Variants in XYLT1 observed in about 807,000 individuals in gnomAD.
XYLT1 encodes the protein beta-D-xylosyltransferase 1.
Under a neutral mutation model 91.3 loss-of-function variants are expected in XYLT1, and 36 were observed. That is an observed-to-expected ratio of 0.39 (90% CI 0.30 to 0.52). XYLT1 has a LOEUF of 0.52. XYLT1 is among the 20% of genes least tolerant of loss of function. The pLI is 0.68. For synonymous variants in XYLT1, 588 were observed against 532.0 expected, an observed-to-expected ratio of 1.11 and a Z score of -1.45; for missense variants, 1,242 against 1,284.5, an observed-to-expected ratio of 0.97 and a Z score of 0.51.
chr16:17,188,542 C>T (rs1203510500), intron 5 of XYLT1, among the ~76,000 whole-genome samples: 1 of 152,212 alleles, frequency 6.6e-6, no homozygotes. Flanking sequence ...CCAGCATCTA[C>T]ATCTCAGTTC....
At chr16:17,233,927 T>C (rs1310228142) in intron 3 of XYLT1, among the ~76,000 whole-genome samples, 2 of 152,196 alleles carry the variant, frequency 1.3e-5, no homozygotes, top group African/African-American at 2.4e-5. Context: ...CAGACTTGGC[T>C]TCACATCTTG....
rs77942607 is a variant in XYLT1 at position 17,139,027 on chromosome 16, G to T, written c.1588-496C>A. Among the ~76,000 whole-genome samples the T allele has an allele frequency of 5.5e-3, 831 of 152,276 alleles. 35 individuals carry two copies. The East Asian group carries it at 0.073, about 13-fold the overall frequency. ...CATAGGGAAGGGAGTGGGTGGGGCTGCTTGCTGTCCATGGTACTGAACCAG... is the reference window on the plus strand; with the variant it reads ...CATAGGGAAGGGAGTGGGTGGGGCTTCTTGCTGTCCATGGTACTGAACCAG... On this transcript the variant is annotated intron_variant, in intron 7 of 11. Coordinates refer to ENST00000261381, the MANE Select transcript of XYLT1 (RefSeq NM_022166.4).
intron 1 of XYLT1, among the ~76,000 whole-genome samples, chr16:17,383,399 G>A (rs949633407): frequency 4.6e-5 from 7 of 151,708 alleles, no homozygotes; most frequent in African/African-American, 9.7e-5. Flanking sequence ...CTGCCACCAC[G>A]ACTCTATCCT....
intron 2 of XYLT1, among the ~76,000 whole-genome samples, chr16:17,273,899 C>T (rs1001438217): frequency 2.0e-5 from 3 of 150,716 alleles, no homozygotes; most frequent in African/African-American, 7.3e-5. Flanking sequence ...ATCATTCATT[C>T]GGTCAGTCAG....
rs754790920 is a variant in XYLT1 at position 17,134,570 on chromosome 16, G to T, written c.1930C>A (p.Leu644Met). Residue 644 changes from leucine (L) to methionine (M), a missense_variant, in exon 9 of 12, where the codon CTG becomes ATG. Leu to Met is a conservative substitution (Grantham distance 15, BLOSUM62 2). Coordinates refer to ENST00000261381, the MANE Select transcript of XYLT1 (RefSeq NM_022166.4). ...VYDEPDGIHS[L>M]SDVTLTLYHS... Reference sequence around the variant, plus strand: ...TACAAGGTGAGTGTCACGTCGCTCAGGCTGTGGATGCCGTCAGGCTCATCG... The same window carrying T: ...TACAAGGTGAGTGTCACGTCGCTCATGCTGTGGATGCCGTCAGGCTCATCG... The T allele has an allele frequency of 3.5e-5, 57 of 1,614,078 alleles. No homozygotes were observed. In the African/African-American group the frequency reaches 5.5e-4, roughly 15 times the overall value.
At chr16:17,224,066 G>A (rs1280971211) in intron 3 of XYLT1, among the ~76,000 whole-genome samples, 1 of 152,218 alleles carries the variant, frequency 6.6e-6, no homozygotes, top group African/African-American at 2.4e-5. Context: ...GTTATCTAGA[G>A]AAGCTACCAG....
intron 3 of XYLT1, among the ~76,000 whole-genome samples, chr16:17,206,390 G>C (rs187244092): frequency 7.2e-5 from 11 of 152,118 alleles, no homozygotes; most frequent in Admixed American, 7.2e-4. Flanking sequence ...CCCTGCTCTC[G>C]ATGGGTTTAG....
At chr16:17,433,824 A>G (rs2036419819) in intron 1 of XYLT1, among the ~76,000 whole-genome samples, 1 of 152,200 alleles carries the variant, frequency 6.6e-6, no homozygotes, top group African/African-American at 2.4e-5. Context: ...CTTTCATTGA[A>G]AAAGAAAATA....
intron 1 of XYLT1, among the ~76,000 whole-genome samples, chr16:17,371,384 A>C (rs974474132): frequency 7.9e-5 from 12 of 152,242 alleles, no homozygotes; most frequent in Admixed American, 3.9e-4. Flanking sequence ...GGAATCTGAG[A>C]GATGTATGCT....
intron 6 of XYLT1, among the ~76,000 whole-genome samples, chr16:17,141,843 C>T (rs2030985249): frequency 6.6e-6 from 1 of 152,212 alleles, no homozygotes; most frequent in Admixed American, 6.5e-5. Flanking sequence ...CACCAAAGTT[C>T]TGATATAAAG....
chr16:17,266,554 G>C (rs1419640950), intron 2 of XYLT1, among the ~76,000 whole-genome samples: 1 of 152,156 alleles, frequency 6.6e-6, no homozygotes, highest in East Asian at 1.9e-4. Flanking sequence ...AGGCTGTCTA[G>C]GTCTGGAGGT....
intron 3 of XYLT1, among the ~76,000 whole-genome samples, chr16:17,226,767 A>G (rs2033073743): frequency 6.6e-6 from 1 of 152,216 alleles, no homozygotes; most frequent in Admixed American, 6.5e-5. Flanking sequence ...TGGATGACAG[A>G]GTGAAACCCT....
chr16:17,172,964 G>T (rs1023525361), intron 5 of XYLT1, among the ~76,000 whole-genome samples: 1 of 152,080 alleles, frequency 6.6e-6, no homozygotes, highest in Admixed American at 6.5e-5. Flanking sequence ...TCCCAGAGAG[G>T]TATTTACTCA....
chr16:17,145,190 G>A (rs1023805867), intron 6 of XYLT1, among the ~76,000 whole-genome samples: 1 of 152,226 alleles, frequency 6.6e-6, no homozygotes, highest in Non-Finnish European at 1.5e-5. Flanking sequence ...GCTGCAGCAG[G>A]TATCGGTGCT....
intron 4 of XYLT1, among the ~76,000 whole-genome samples, chr16:17,200,232 A>C (rs1172146728): frequency 6.6e-6 from 1 of 152,074 alleles, no homozygotes; most frequent in Non-Finnish European, 1.5e-5. Context: ...AAAAAAGAAA[A>C]AAAACCCCCC....
chr16:17,470,303 A>C (rs1049724625), intron 1 of XYLT1, 131 bp downstream of exon 1: 1 of 1,116,280 alleles, frequency 9.0e-7, no homozygotes. Context: ...TCCCGGGGCA[A>C]GAGGCGATGT....
intron 10 of XYLT1, among the ~76,000 whole-genome samples, chr16:17,124,156 C>T (rs1397073591): frequency 6.6e-6 from 1 of 152,126 alleles, no homozygotes; most frequent in African/African-American, 2.4e-5. Context: ...AGGTACTATT[C>T]TATTCATCAT....
At chr16:17,442,901 A>G (rs2036548546) in intron 1 of XYLT1, among the ~76,000 whole-genome samples, 1 of 152,022 alleles carries the variant, frequency 6.6e-6, no homozygotes, top group Admixed American at 6.6e-5. Context: ...TCTTCTTCAC[A>G]TATTCATCTC....
At chr16:17,226,716 G>C (rs1290802711) in intron 3 of XYLT1, among the ~76,000 whole-genome samples, 6 of 152,052 alleles carry the variant, frequency 3.9e-5, no homozygotes, top group African/African-American at 1.5e-4. Flanking sequence ...CCAGGAGGCA[G>C]AGATTGCAGT....
Sources: gnomAD v4.1 joint callset for allele counts (sites outside exome capture counted in the v4.1 genomes callset) on GRCh38, gnomAD v4.1.1 for gene constraint, MANE v1.5 for transcripts, NCBI Gene and HGNC (gene_info 2026-07-23, HGNC 2026-07-21) for gene names.